Variants in AFF3 observed in about 807,000 individuals in gnomAD.
AFF3 encodes the protein AF4/FMR2 family member 3.
In AFF3, 32 loss-of-function variants were observed where a neutral mutation model predicts 129.7. The observed-to-expected ratio is 0.25, with a 90% CI of 0.19 to 0.33. The LOEUF is 0.33. Ranked by LOEUF, AFF3 falls within the 10% of genes least tolerant of loss-of-function variation. The pLI is 1.00. For synonymous variants in AFF3, 644 were observed against 635.4 expected, an observed-to-expected ratio of 1.01 and a Z score of -0.20; for missense variants, 1,373 against 1,592.0, an observed-to-expected ratio of 0.86 and a Z score of 2.34.
At chr2:99,829,403 C>T (rs553363830) in intron 8 of AFF3, among the ~76,000 whole-genome samples, 223 of 152,240 alleles carry the variant, frequency 1.5e-3, no homozygotes, top group African/African-American at 5.2e-3. Flanking sequence ...AAAGGTCTAA[C>T]ATCCAGAATC....
At chr2:99,668,973 T>C (rs546306187) in intron 12 of AFF3, among the ~76,000 whole-genome samples, 26 of 152,304 alleles carry the variant, frequency 1.7e-4, no homozygotes, top group Middle Eastern at 3.4e-3. Context: ...AAAGACAGTA[T>C]AAAACAGAAA....
intron 8 of AFF3, among the ~76,000 whole-genome samples, chr2:99,820,628 A>T (rs1338300169): frequency 2.0e-5 from 3 of 150,470 alleles, no homozygotes; most frequent in Admixed American, 6.7e-5. Flanking sequence ...TACTTTATGA[A>T]CTTTTAAAGT....
chr2:99,694,248 G>A (rs1365306076), intron 11 of AFF3, among the ~76,000 whole-genome samples: 1 of 152,100 alleles, frequency 6.6e-6, no homozygotes, highest in Non-Finnish European at 1.5e-5. Context: ...TTAGAGATAG[G>A]TGCTTTAGAC....
chr2:99,818,405 T>C (rs1366528266), intron 8 of AFF3, among the ~76,000 whole-genome samples: 4 of 152,138 alleles, frequency 2.6e-5, no homozygotes, highest in Non-Finnish European at 5.9e-5. Context: ...CAATGAAAAA[T>C]ACAACGTTGA....
chr2:99,876,333 T>C (rs1576251520), intron 7 of AFF3, among the ~76,000 whole-genome samples: 1 of 152,348 alleles, frequency 6.6e-6, no homozygotes, highest in East Asian at 1.9e-4. Context: ...GCTGAACTCT[T>C]GATCTTTGCT....
chr2:99,672,601 A>AACAAAGAGGT lies in AFF3; in HGVS notation c.1092-22_1092-13dup. ...CATCTTCCAGCATTCTGAAAGAAGGAACAAAGAGGTACAAAGAGGTACAGA... is the reference window on the plus strand; with the variant it reads ...CATCTTCCAGCATTCTGAAAGAAGGAACAAAGAGGTACAAAGAGGTACAAAGAGGTACAGA... On this transcript the variant is annotated splice_polypyrimidine_tract_variant and intron_variant, in intron 11 of 24. Coordinates refer to ENST00000672756, the MANE Select transcript of AFF3 (RefSeq NM_001386135.1). 1 of 1,613,780 alleles carries AACAAAGAGGT rather than the reference A, an allele frequency of 6.2e-7. No individual in the cohort carries two copies. The highest frequency in any genetic ancestry group is 8.5e-7 in the Non-Finnish European group (1 of 1,179,622).
intron 2 of AFF3, among the ~76,000 whole-genome samples, chr2:100,120,118 C>G (rs1316175225): frequency 6.6e-6 from 1 of 152,152 alleles, no homozygotes; most frequent in African/African-American, 2.4e-5. Flanking sequence ...GAAGTATTAT[C>G]AGGTCTTGAG....
At chr2:99,791,597 A>G (rs1043662960) in intron 8 of AFF3, among the ~76,000 whole-genome samples, 1 of 152,124 alleles carries the variant, frequency 6.6e-6, no homozygotes, top group South Asian at 2.1e-4. Flanking sequence ...CGGATTCTTT[A>G]TTTCTGAATT....
intron 11 of AFF3, chr2:99,707,619 C>T: frequency 1.0e-6 from 1 of 984,574 alleles, no homozygotes; most frequent in Non-Finnish European, 1.2e-6. Context: ...TAACAAAGTT[C>T]CAAAGCTAAG....
chr2:99,954,935 GA>G (rs1006245434), intron 7 of AFF3, among the ~76,000 whole-genome samples: 4 of 139,660 alleles, frequency 2.9e-5, no homozygotes, highest in East Asian at 2.1e-4. Context: ...ATAAAATAAA[GA>G]AAAAAAAAGA....
At chr2:100,015,740 A>T (rs1299204791) in intron 4 of AFF3, among the ~76,000 whole-genome samples, 2 of 152,230 alleles carry the variant, frequency 1.3e-5, no homozygotes, top group African/African-American at 4.8e-5. Context: ...GACAGAGGCA[A>T]CTCAGACAGA....
intron 8 of AFF3, among the ~76,000 whole-genome samples, chr2:99,815,419 G>A (rs1207109707): frequency 1.3e-5 from 2 of 152,186 alleles, no homozygotes; most frequent in African/African-American, 2.4e-5. Flanking sequence ...GCATTTTAAT[G>A]AGCAAATAGA....
At position 99,593,261 on chromosome 2, in the gene AFF3, T is replaced by C. The variant is rs767807914; in HGVS notation, c.2400A>G (p.Ala800=). ...GTGTGTCCGAGGTGTGGCTGGGCGG[T>C]GCGCTCTCAGAGTCCTTGGTGGCAG... ...SAPATKDSES[A]PPSHTSDTPA... Residue 800 remains alanine (A), a synonymous_variant, in exon 15 of 25, where the codon GCA becomes GCG. Transcript: ENST00000672756. 1.9e-6 allele frequency: 3 copies of C among 1,612,500 alleles called. No individual in the cohort carries two copies. The highest frequency in any genetic ancestry group is 2.5e-6 in the Non-Finnish European group (3 of 1,178,940).
intron 8 of AFF3, among the ~76,000 whole-genome samples, chr2:99,778,211 T>C (rs920850137): frequency 6.6e-6 from 1 of 152,116 alleles, no homozygotes; most frequent in African/African-American, 2.4e-5. Context: ...CTTCTCCTCC[T>C]CCTTCCTCTG....
intron 14 of AFF3, among the ~76,000 whole-genome samples, chr2:99,596,532 G>C (rs2105017653): frequency 6.6e-6 from 1 of 152,290 alleles, no homozygotes; most frequent in Admixed American, 6.5e-5. Flanking sequence ...GGATGCTGAA[G>C]GGGCCTCTTG....
chr2:99,985,818 C>A (rs914881267), intron 7 of AFF3, among the ~76,000 whole-genome samples: 3 of 152,058 alleles, frequency 2.0e-5, no homozygotes, highest in Admixed American at 6.5e-5. Context: ...GATGGTTATA[C>A]AGGTGTGTGC....
At chr2:99,744,787 T>G (rs1681008465) in intron 9 of AFF3, among the ~76,000 whole-genome samples, 1 of 152,212 alleles carries the variant, frequency 6.6e-6, no homozygotes, top group Non-Finnish European at 1.5e-5. Flanking sequence ...ATTCATCTGT[T>G]AATGGGTATT....
chr2:99,715,288 G>C (rs981139697), intron 11 of AFF3, among the ~76,000 whole-genome samples: 2 of 151,992 alleles, frequency 1.3e-5, no homozygotes, highest in Non-Finnish European at 1.5e-5. Context: ...AGTTTTCCAC[G>C]TTTTAGTTTT....
chr2:99,568,526 A>G (rs1676187337), intron 19 of AFF3, among the ~76,000 whole-genome samples: 1 of 152,216 alleles, frequency 6.6e-6, no homozygotes, highest in African/African-American at 2.4e-5. Flanking sequence ...CAGGCTAACA[A>G]GAGAAAAATG....
Sources: gnomAD v4.1 joint callset for allele counts (sites outside exome capture counted in the v4.1 genomes callset) on GRCh38, gnomAD v4.1.1 for gene constraint, MANE v1.5 for transcripts, NCBI Gene and HGNC (gene_info 2026-07-23, HGNC 2026-07-21) for gene names.